Variants in LPP observed in about 807,000 individuals in gnomAD.
LPP encodes lipoma-preferred partner.
In LPP, 38 loss-of-function variants were observed where a neutral mutation model predicts 60.4. That is an observed-to-expected ratio of 0.63 (90% CI 0.49 to 0.83). The LOEUF is 0.83. LPP is among the 40% of genes least tolerant of loss of function. LPP has a pLI of 0.00. For missense variants in LPP, 902 were observed against 783.6 expected (o/e 1.15, Z -1.80); for synonymous variants, 328 against 290.8 (o/e 1.13, Z -1.30).
intron 9 of LPP, among the ~76,000 whole-genome samples, chr3:188,812,768 ACTCTCCCTCT>A (rs1169797272): frequency 9.5e-6 from 1 of 104,872 alleles, no homozygotes; most frequent in Non-Finnish European, 1.9e-5. Context: ...ATACTCTCTC[ACTCTCCCTCT>A]CTCTCTCTCT....
chr3:188,692,127 T>G (rs1288480975), intron 7 of LPP, among the ~76,000 whole-genome samples: 1 of 152,142 alleles, frequency 6.6e-6, no homozygotes, highest in East Asian at 1.9e-4. Context: ...GAGCATTGAG[T>G]TGTTAGCATC....
chr3:188,218,841 C>CT (rs899875056), intron 1 of LPP, among the ~76,000 whole-genome samples: 1 of 152,078 alleles, frequency 6.6e-6, no homozygotes, highest in Non-Finnish European at 1.5e-5. Context: ...AAATTGCCTT[C>CT]TTTTTTCCTT....
In LPP at chr3:188,576,427, C is replaced by G. The variant is rs778281092; in HGVS notation, c.430-32734C>G. 2.3e-4 allele frequency among the ~76,000 whole-genome samples: 35 copies of G among 152,226 alleles called. 1 individual carries two copies. The highest frequency in any genetic ancestry group is 3.4e-3 in the Middle Eastern group (1 of 294). The stretch of plus-strand genomic sequence containing the variant: ...ACACACATGGCGCCAGGCACATTAC[C>G]TAGTACCTCTATGATTTTCATCCGC... On this transcript the variant is annotated intron_variant, in intron 6 of 11. Coordinates refer to ENST00000617246, the MANE Select transcript of LPP (RefSeq NM_001375462.1).
At chr3:188,497,162 C>T (rs913906038) in intron 5 of LPP, among the ~76,000 whole-genome samples, 2 of 152,014 alleles carry the variant, frequency 1.3e-5, no homozygotes, top group African/African-American at 2.4e-5. Flanking sequence ...TAGTTTCTGT[C>T]GTTCCCTTGG....
At chr3:188,845,540 T>C (rs921685740) in intron 9 of LPP, among the ~76,000 whole-genome samples, 4 of 148,090 alleles carry the variant, frequency 2.7e-5, no homozygotes, top group Non-Finnish European at 6.0e-5. Flanking sequence ...CTGTGTAGAT[T>C]GCCTGTGATT....
chr3:188,326,210 T>A (rs1170113805), intron 2 of LPP, among the ~76,000 whole-genome samples: 1 of 152,232 alleles, frequency 6.6e-6, no homozygotes, highest in Non-Finnish European at 1.5e-5. Context: ...TTCCGACTTT[T>A]ACGTTCTTTG....
chr3:188,318,750 A>ATTTT (rs1578073052), intron 2 of LPP, among the ~76,000 whole-genome samples: 3 of 120,516 alleles, frequency 2.5e-5, no homozygotes, highest in African/African-American at 9.8e-5. Context: ...AAAAATTATG[A>ATTTT]TTCTTTTTTT....
intron 6 of LPP, among the ~76,000 whole-genome samples, chr3:188,592,401 T>A (rs1272188012): frequency 6.6e-6 from 1 of 151,554 alleles, no homozygotes; most frequent in Non-Finnish European, 1.5e-5. Flanking sequence ...TACACACAGA[T>A]ACAAGTATAC....
chr3:188,192,114 G>A (rs1464852521), intron 1 of LPP, among the ~76,000 whole-genome samples: 1 of 152,194 alleles, frequency 6.6e-6, no homozygotes, highest in African/African-American at 2.4e-5. Flanking sequence ...ATGAATGTCA[G>A]TTTCTCATGT....
chr3:188,241,320 C>A (rs989696157), intron 2 of LPP, among the ~76,000 whole-genome samples: 4 of 152,230 alleles, frequency 2.6e-5, no homozygotes, highest in Non-Finnish European at 5.9e-5. Context: ...AACGCCTGTC[C>A]GCTGTGTGCT....
intron 7 of LPP, among the ~76,000 whole-genome samples, chr3:188,663,562 C>T (rs1855078091): frequency 6.6e-6 from 1 of 152,084 alleles, no homozygotes; most frequent in African/African-American, 2.4e-5. Flanking sequence ...TAAATTCGGT[C>T]TGTATATACA....
chr3:188,822,415 G>A (rs952287959), intron 9 of LPP, among the ~76,000 whole-genome samples: 1 of 152,098 alleles, frequency 6.6e-6, no homozygotes, highest in African/African-American at 2.4e-5. Context: ...ATTGATGAGA[G>A]CACTGAAATT....
intron 5 of LPP, among the ~76,000 whole-genome samples, chr3:188,506,848 A>T (rs899665528): frequency 2.0e-5 from 3 of 151,956 alleles, no homozygotes; most frequent in Non-Finnish European, 1.5e-5. Context: ...CCCAGGCTGG[A>T]GTGCAGTGGC....
chr3:188,571,308 C>A (rs1278797853), intron 6 of LPP, among the ~76,000 whole-genome samples: 2 of 152,046 alleles, frequency 1.3e-5, no homozygotes, highest in African/African-American at 2.4e-5. Flanking sequence ...AGATCTACCA[C>A]ATGTATGTCC....
intron 2 of LPP, among the ~76,000 whole-genome samples, chr3:188,288,303 C>G (rs1019042547): frequency 1.2e-4 from 19 of 152,198 alleles, no homozygotes; most frequent in South Asian, 1.0e-3. Context: ...GGCATTGGAA[C>G]AAACGGGTAG....
At chr3:188,200,481 G>C (rs1730793347) in intron 1 of LPP, among the ~76,000 whole-genome samples, 1 of 152,070 alleles carries the variant, frequency 6.6e-6, no homozygotes, top group Non-Finnish European at 1.5e-5. Flanking sequence ...CACAATCCAG[G>C]GATAAGGAAG....
At chr3:188,615,780 C>A (rs1451087970) in intron 7 of LPP, among the ~76,000 whole-genome samples, 7 of 152,130 alleles carry the variant, frequency 4.6e-5, no homozygotes, top group African/African-American at 1.4e-4. Flanking sequence ...GCCATTCTGA[C>A]TGGTGTGAGA....
Position 188,563,458 on chromosome 3 carries a change from A to ATGTGTGTGTGTGTGTGTG in LPP, c.429+38672_429+38673insGTGTGTGTGTGTGTGTGT, listed in dbSNP as rs966931196. Among the ~76,000 whole-genome samples, 545 of 76,032 alleles carry ATGTGTGTGTGTGTGTGTG rather than the reference A, an allele frequency of 7.2e-3. 4 individuals carry two copies. Among genetic ancestry groups the ATGTGTGTGTGTGTGTGTG allele is most frequent in the South Asian group, 0.031 (76 of 2,434 alleles). The allele number at this position is 76,032 out of a possible 152,430, so 49.9% of individuals were successfully genotyped here. A position where few individuals can be genotyped will look rare whatever the true frequency, so the allele number is the denominator to read the frequency against. ...TACATTTATGTATACATTTACATAT[A>ATGTGTGTGTGTGTGTGTG]TATGTGTGTGTGTGTGTGTGTGTGT... is the stretch of plus-strand genomic sequence containing the variant. On this transcript the variant is annotated intron_variant, in intron 6 of 11. Transcript: ENST00000617246.
At chr3:188,583,172 C>CT (rs1491518012) in intron 6 of LPP, among the ~76,000 whole-genome samples, 1 of 152,094 alleles carries the variant, frequency 6.6e-6, no homozygotes, top group Non-Finnish European at 1.5e-5. Flanking sequence ...ACAAAATAAC[C>CT]TTTTTTGGTT....
Sources: gnomAD v4.1 joint callset for allele counts (sites outside exome capture counted in the v4.1 genomes callset) on GRCh38, gnomAD v4.1.1 for gene constraint, MANE v1.5 for transcripts, NCBI Gene and HGNC (gene_info 2026-07-23, HGNC 2026-07-21) for gene names.